Variants in GPAT4 observed in about 807,000 individuals in gnomAD.
GPAT4 encodes glycerol-3-phosphate acyltransferase 4, also known as 1-AGP acyltransferase 6.
In GPAT4, 17 loss-of-function variants were observed where a neutral mutation model predicts 58.0. The ratio of observed to expected loss-of-function variants is 0.29; its 90% CI spans 0.20 to 0.44. The LOEUF is 0.44. Among genes scored for constraint, GPAT4 ranks in the 20% least tolerant of loss-of-function variants. The pLI is 1.00. For synonymous variants in GPAT4, 204 were observed against 210.1 expected (o/e 0.97, Z 0.25); for missense variants, 377 against 574.5 (o/e 0.66, Z 3.51).
At chr8:41,601,346 G>T (rs1358578231) in intron 2 of GPAT4, among the ~76,000 whole-genome samples, 1 of 152,100 alleles carries the variant, frequency 6.6e-6, no homozygotes, top group East Asian at 1.9e-4. Context: ...TGGACTGGCT[G>T]TTTTTTAATG....
At position 41,610,702 on chromosome 8, in the gene GPAT4, G is replaced by T. The variant is rs180697387; in HGVS notation, c.537-34G>T. On this transcript the variant is annotated intron_variant, in intron 4 of 12. Transcript: ENST00000396987. The stretch of plus-strand genomic sequence containing the variant: ...AGTTCTGTACTTGGTAGAATGATTT[G>T]CTGGCTGTGCTCTAACTTTTCTTCT... 241 of 1,594,770 alleles carry T rather than the reference G, an allele frequency of 1.5e-4. 2 individuals are homozygous for T. In the African/African-American group the frequency reaches 3.1e-3, roughly 20 times the overall value.
intron 2 of GPAT4, among the ~76,000 whole-genome samples, chr8:41,608,129 A>C (rs1803334767): frequency 6.6e-6 from 1 of 152,178 alleles, no homozygotes; most frequent in Non-Finnish European, 1.5e-5. Context: ...TTGCCTTTGA[A>C]CTTTCTTTGC....
rs1027412826 is a variant in GPAT4 at position 41,612,792 on chromosome 8, G to A, written c.796-53G>A. ...GAGATGTGGTTCTTCCTAGAGTGGG[G>A]AGATTCGTGTGAAGATGGCTTCACT... is the stretch of plus-strand genomic sequence containing the variant. On this transcript the variant is annotated intron_variant, in intron 7 of 12. Coordinates refer to ENST00000396987, the MANE Select transcript of GPAT4 (RefSeq NM_178819.4). 3.4e-6 allele frequency: 5 copies of A among 1,483,578 alleles called. No homozygotes were observed. In the Admixed American group the frequency reaches 9.0e-5, roughly 27 times the overall value. 91.9% of individuals were successfully genotyped at this position (1,483,578 alleles called of 1,614,324 possible). A position where few individuals can be genotyped will look rare whatever the true frequency, so the allele number is the denominator to read the frequency against.
chr8:41,612,991 G>A (rs1419073787), intron 8 of GPAT4, 31 bp downstream of exon 8: 8 of 1,596,090 alleles, frequency 5.0e-6, no homozygotes, highest in African/African-American at 1.3e-5. Flanking sequence ...GTTCTGCTTG[G>A]CCAGTTAGAA....
At chr8:41,600,802 C>G (rs926876872) in intron 2 of GPAT4, among the ~76,000 whole-genome samples, 1 of 152,170 alleles carries the variant, frequency 6.6e-6, no homozygotes, top group Non-Finnish European at 1.5e-5. Flanking sequence ...CTGCATTCTG[C>G]CTCTGAATTT....
intron 4 of GPAT4, chr8:41,610,450 C>T: frequency 1.5e-6 from 2 of 1,300,200 alleles, no homozygotes; most frequent in East Asian, 7.3e-5. Flanking sequence ...GGGAGCAGCC[C>T]TGTGGCAGAA....
Position 41,618,880 on chromosome 8 carries a change from A to G in GPAT4, c.1183-18A>G. ...CGTCAAGCCGGGGCTGAGTGGTCTC[A>G]TTTGTTCTTTCTTACAGGCAGATGA... is the stretch of plus-strand genomic sequence containing the variant. On this transcript the variant is annotated intron_variant, in intron 11 of 12. Transcript: ENST00000396987. The G allele has an allele frequency of 6.2e-7, 1 of 1,614,140 alleles. No individual in the cohort carries two copies. Among genetic ancestry groups the G allele is most frequent in the Non-Finnish European group, 8.5e-7 (1 of 1,180,012 alleles).
At chr8:41,579,579 G>C (rs1277991841) in intron 1 of GPAT4, among the ~76,000 whole-genome samples, 2 of 151,578 alleles carry the variant, frequency 1.3e-5, no homozygotes, top group South Asian at 4.2e-4. Context: ...GACTCACGCC[G>C]GTAATCCCAG....
intron 1 of GPAT4, among the ~76,000 whole-genome samples, chr8:41,595,889 T>C (rs970647871): frequency 4.6e-5 from 7 of 151,972 alleles, no homozygotes; most frequent in East Asian, 3.9e-4. Context: ...CAGCCACTTA[T>C]GCTGCTGTTC....
At chr8:41,601,174 C>T (rs996963036) in intron 2 of GPAT4, among the ~76,000 whole-genome samples, 1 of 151,914 alleles carries the variant, frequency 6.6e-6, no homozygotes, top group Non-Finnish European at 1.5e-5. Context: ...TATCTGGGTC[C>T]TTGCTACTCA....
chr8:41,581,141 T>C (rs1386151620), intron 1 of GPAT4, among the ~76,000 whole-genome samples: 1 of 152,256 alleles, frequency 6.6e-6, no homozygotes, highest in African/African-American at 2.4e-5. Context: ...CCGTTCCATG[T>C]ATCACTAAAC....
chr8:41,620,400 G>T (rs1803712844), intron 12 of GPAT4, among the ~76,000 whole-genome samples: 1 of 152,166 alleles, frequency 6.6e-6, no homozygotes, highest in Non-Finnish European at 1.5e-5. Context: ...CTTTTTTTGA[G>T]CATGGAAGAA....
At chr8:41,608,081 A>C (rs1349400930) in intron 2 of GPAT4, among the ~76,000 whole-genome samples, 1 of 152,254 alleles carries the variant, frequency 6.6e-6, no homozygotes, top group South Asian at 2.1e-4. Context: ...TCAATGGCCA[A>C]ATATCTGAAA....
chr8:41,606,426 G>A (rs1199261275), intron 2 of GPAT4, among the ~76,000 whole-genome samples: 1 of 152,182 alleles, frequency 6.6e-6, no homozygotes, highest in Non-Finnish European at 1.5e-5. Context: ...TCAGGAGTGT[G>A]CTGTGTGAGT....
intron 10 of GPAT4, among the ~76,000 whole-genome samples, chr8:41,618,331 C>T (rs927305467): frequency 3.9e-5 from 6 of 152,260 alleles, no homozygotes; most frequent in Admixed American, 2.6e-4. Context: ...GGAATGGGTA[C>T]ATGGGAGTGC....
At chr8:41,602,086 C>G (rs1803117989) in intron 2 of GPAT4, among the ~76,000 whole-genome samples, 1 of 152,206 alleles carries the variant, frequency 6.6e-6, no homozygotes, top group Non-Finnish European at 1.5e-5. Context: ...ACCCAAGTAG[C>G]TGGGATGACA....
Position 41,610,807 on chromosome 8 carries a change from G to C in GPAT4, c.608G>C (p.Gly203Ala). 1 of 1,610,430 alleles carries C rather than the reference G, an allele frequency of 6.2e-7. No individual in the cohort carries two copies. Among genetic ancestry groups the C allele is most frequent in the Non-Finnish European group, 8.5e-7 (1 of 1,178,018 alleles). ...GTTVVGYLPN[G>A]RFKEFMSKHV... ...ACTGTGGTGGGATACTTGCCAAATG[G>C]GAGGTGAGTAGAGTGTGGCAGTCCA... Residue 203 changes from glycine (G) to alanine (A), a missense_variant, in exon 5 of 13, where the codon GGG (glycine) becomes GCG (alanine). Transcript: ENST00000396987.
chr8:41,603,505 G>A (rs1364753112), intron 2 of GPAT4, among the ~76,000 whole-genome samples: 2 of 133,846 alleles, frequency 1.5e-5, no homozygotes, highest in East Asian at 2.2e-4. Flanking sequence ...CAGCCTGGGT[G>A]ACAAAGCAAG....
chr8:41,583,461 A>C (rs1802577180), intron 1 of GPAT4, among the ~76,000 whole-genome samples: 1 of 152,188 alleles, frequency 6.6e-6, no homozygotes, highest in Non-Finnish European at 1.5e-5. Flanking sequence ...TTTTTTAAAA[A>C]AATTGTATAA....
Sources: gnomAD v4.1 joint callset for allele counts (sites outside exome capture counted in the v4.1 genomes callset) on GRCh38, gnomAD v4.1.1 for gene constraint, MANE v1.5 for transcripts, NCBI Gene and HGNC (gene_info 2026-07-23, HGNC 2026-07-21) for gene names.